Variants in IL1RAPL1 observed in about 807,000 individuals in gnomAD.
IL1RAPL1 encodes interleukin 1 receptor accessory protein like 1.
In IL1RAPL1, 3 loss-of-function variants were observed where a neutral mutation model predicts 48.4. That is an observed-to-expected ratio of 0.06 (90% CI 0.03 to 0.16). The LOEUF (loss-of-function observed/expected upper bound fraction) is 0.16. Among genes scored for constraint, IL1RAPL1 ranks in the 10% least tolerant of loss-of-function variants. The pLI is 1.00. For synonymous variants in IL1RAPL1, 185 were observed against 187.7 expected (o/e 0.99, Z 0.12); for missense variants, 349 against 530.6 (o/e 0.66, Z 3.36).
At chrX:28,971,977 C>G (rs1008738318) in intron 2 of IL1RAPL1, among the ~76,000 whole-genome samples, 1 of 107,581 alleles carries the variant, frequency 9.3e-6, no homozygotes, top group African/African-American at 3.4e-5. Context: ...ACATAATTAA[C>G]TTTCTAGCCT....
intron 2 of IL1RAPL1, among the ~76,000 whole-genome samples, chrX:28,826,829 T>G (rs1289298124): frequency 9.1e-6 from 1 of 110,077 alleles, no homozygotes; most frequent in Non-Finnish European, 1.9e-5. Context: ...TTAGCTCCGT[T>G]AGCACTGGAG....
chrX:28,643,736 A>G (rs1351874023), intron 1 of IL1RAPL1, among the ~76,000 whole-genome samples: 1 of 112,349 alleles, frequency 8.9e-6, no homozygotes, highest in Non-Finnish European at 1.9e-5. Flanking sequence ...GATCAAGAAG[A>G]GGACTGACAT....
chrX:28,979,179 C>T (rs934382702), intron 2 of IL1RAPL1, among the ~76,000 whole-genome samples: 1 of 111,621 alleles, frequency 9.0e-6, no homozygotes, highest in Non-Finnish European at 1.9e-5. Flanking sequence ...TTATGACAAG[C>T]ATCATATGTT....
intron 6 of IL1RAPL1, among the ~76,000 whole-genome samples, chrX:29,713,465 GA>G (rs1927404450): frequency 8.9e-6 from 1 of 111,759 alleles, no homozygotes; most frequent in Non-Finnish European, 1.9e-5. Context: ...TGCTTCAAGA[GA>G]AACAAAGTGA....
chrX:28,933,693 G>A lies in IL1RAPL1; in HGVS notation c.82+144268G>A, dbSNP rs370506669. On this transcript the variant is annotated intron_variant, in intron 2 of 10. Coordinates refer to ENST00000378993, the MANE Select transcript of IL1RAPL1 (RefSeq NM_014271.4). Reference sequence around the variant, plus strand: ...CAGTTTATTAGGAAAGTAAAGGATTGAAGAATGGCTACCCCATAGGCAGAG... The same window carrying A: ...CAGTTTATTAGGAAAGTAAAGGATTAAAGAATGGCTACCCCATAGGCAGAG... Among the ~76,000 whole-genome samples, 378 of 111,402 alleles carry A rather than the reference G, an allele frequency of 3.4e-3. 3 individuals carry two copies. The highest frequency in any genetic ancestry group is 0.011 in the African/African-American group (350 of 30,678).
chrX:29,398,585 G>T (rs907761194), intron 4 of IL1RAPL1, among the ~76,000 whole-genome samples: 5 of 112,123 alleles, frequency 4.5e-5, no homozygotes, highest in Non-Finnish European at 7.5e-5. Context: ...ATTATAGCAT[G>T]CATACACTAT....
intron 6 of IL1RAPL1, among the ~76,000 whole-genome samples, chrX:29,883,057 T>C (rs952125839): frequency 6.3e-5 from 7 of 111,804 alleles, no homozygotes; most frequent in African/African-American, 2.3e-4. Flanking sequence ...TTCAGTAACG[T>C]AGGGTCACAC....
At chrX:28,849,711 C>T (rs1221021395) in intron 2 of IL1RAPL1, among the ~76,000 whole-genome samples, 1 of 111,773 alleles carries the variant, frequency 8.9e-6, no homozygotes, top group Non-Finnish European at 1.9e-5. Flanking sequence ...ATGGAACTCT[C>T]GTCTTATACT....
chrX:29,940,152 C>G (rs1019676171), intron 8 of IL1RAPL1, among the ~76,000 whole-genome samples: 1 of 111,045 alleles, frequency 9.0e-6, no homozygotes, highest in African/African-American at 3.3e-5. Context: ...TGTGAGCCAC[C>G]GTGCCCAGTC....
chrX:29,562,449 C>T (rs2147793755), intron 5 of IL1RAPL1, among the ~76,000 whole-genome samples: 1 of 110,908 alleles, frequency 9.0e-6, no homozygotes, highest in Non-Finnish European at 1.9e-5. Flanking sequence ...TTTACAGCAT[C>T]AGCAGCAGAG....
At position 29,902,832 on chromosome X, in the gene IL1RAPL1, A is replaced by T. The variant is rs1471227714; in HGVS notation, c.779-14632A>T. Among the ~76,000 whole-genome samples, 16 of 111,728 alleles carry T rather than the reference A, an allele frequency of 1.4e-4. No individual in the cohort carries two copies. In the South Asian group the frequency reaches 5.2e-3, roughly 36 times the overall value. On this transcript the variant is annotated intron_variant, in intron 6 of 10. Coordinates refer to ENST00000378993, the MANE Select transcript of IL1RAPL1 (RefSeq NM_014271.4). Reference sequence around the variant, plus strand: ...ACAAAAATATATAGTAATGTAGTATAAAATCTATTTTCATAAAGAAATCTG... The same window carrying T: ...ACAAAAATATATAGTAATGTAGTATTAAATCTATTTTCATAAAGAAATCTG...
intron 1 of IL1RAPL1, among the ~76,000 whole-genome samples, chrX:28,755,469 G>A (rs1936096108): frequency 8.9e-6 from 1 of 112,223 alleles, no homozygotes; most frequent in Non-Finnish European, 1.9e-5. Context: ...ATGAGGCTAG[G>A]AGCTTCCACC....
chrX:28,672,980 T>C (rs1934962387), intron 1 of IL1RAPL1, among the ~76,000 whole-genome samples: 1 of 111,166 alleles, frequency 9.0e-6, no homozygotes, highest in Non-Finnish European at 1.9e-5. Flanking sequence ...AATGCCCCAG[T>C]GTGTGTTGTT....
chrX:29,260,642 G>T (rs138230292), intron 2 of IL1RAPL1, among the ~76,000 whole-genome samples: 15 of 111,591 alleles, frequency 1.3e-4, no homozygotes, highest in Admixed American at 7.7e-4. Flanking sequence ...CAATCACGTC[G>T]GTAAGGGTGA....
intron 1 of IL1RAPL1, among the ~76,000 whole-genome samples, chrX:28,688,551 G>T (rs1935140597): frequency 9.0e-6 from 1 of 111,519 alleles, no homozygotes; most frequent in Admixed American, 9.5e-5. Flanking sequence ...CACTTACAGA[G>T]CACTTTTTCA....
At chrX:29,457,500 T>A (rs753916472) in intron 5 of IL1RAPL1, among the ~76,000 whole-genome samples, 28 of 111,660 alleles carry the variant, frequency 2.5e-4, no homozygotes, top group Non-Finnish European at 4.7e-4. Flanking sequence ...GCATCCATGT[T>A]GCTACAAAGG....
chrX:28,779,891 CTAAT>C (rs2147261009), intron 1 of IL1RAPL1, among the ~76,000 whole-genome samples: 1 of 108,174 alleles, frequency 9.2e-6, no homozygotes, highest in Non-Finnish European at 1.9e-5. Flanking sequence ...ATTTACATCA[CTAAT>C]TAATGAGGGA....
In IL1RAPL1 at chrX:28,657,026, CAAAAA is replaced by C. The variant is rs766745553; in HGVS notation, c.-25+68995_-25+68999del. The stretch of plus-strand genomic sequence containing the variant: ...TGGGCAACAGATCGAGACTCTACCT[CAAAAA>C]AAAAAAAAAAAAAAAGATTTTACAC... On this transcript the variant is annotated intron_variant, in intron 1 of 10. Transcript: ENST00000378993. 4.2e-3 allele frequency among the ~76,000 whole-genome samples: 160 copies of C among 38,454 alleles called. 2 individuals are homozygous for C. The highest frequency in any genetic ancestry group is 0.014 in the African/African-American group (154 of 11,007). The allele number at this position is 38,454 out of a possible 115,157, so 33.4% of individuals were successfully genotyped here. A position where few individuals can be genotyped will look rare whatever the true frequency, so the allele number is the denominator to read the frequency against.
chrX:28,625,537 CTTG>C (rs1369186650), intron 1 of IL1RAPL1, among the ~76,000 whole-genome samples: 2 of 111,998 alleles, frequency 1.8e-5, no homozygotes, highest in South Asian at 3.7e-4. Flanking sequence ...TAACTTGTCT[CTTG>C]TTGTTCTTCG....
Sources: gnomAD v4.1 joint callset for allele counts (sites outside exome capture counted in the v4.1 genomes callset) on GRCh38, gnomAD v4.1.1 for gene constraint, MANE v1.5 for transcripts, NCBI Gene and HGNC (gene_info 2026-07-23, HGNC 2026-07-21) for gene names.